Variants in SFI1 observed in about 807,000 individuals in gnomAD.
SFI1 encodes protein SFI1 homolog.
Under a neutral mutation model 207.5 loss-of-function variants are expected in SFI1, and 195 were observed. That is an observed-to-expected ratio of 0.94 (90% CI 0.84 to 1.06). The LOEUF (loss-of-function observed/expected upper bound fraction) is 1.06, where lower values mean the gene tolerates loss of function less well. SFI1 is among the 50% of genes least tolerant of loss of function. The pLI, the probability that SFI1 is intolerant of heterozygous loss-of-function variation, is 0.00. For synonymous variants in SFI1, 630 were observed against 598.9 expected (o/e 1.05, Z -0.76); for missense variants, 1,634 against 1,588.0 (o/e 1.03, Z -0.49).
chr22:31,602,387 C>A, intron 16 of SFI1, 94 bp downstream of exon 16: 1 of 1,331,668 alleles, frequency 7.5e-7, no homozygotes, highest in Non-Finnish European at 1.1e-6. Flanking sequence ...GTTGCTCGGA[C>A]CTCACTGGAG....
intron 7 of SFI1, among the ~76,000 whole-genome samples, chr22:31,560,951 C>T (rs868812987): frequency 2.6e-5 from 4 of 152,164 alleles, no homozygotes; most frequent in Admixed American, 6.5e-5. Context: ...AATCCACTCT[C>T]CTCGGCCTCC....
chr22:31,575,168 T>TA, intron 9 of SFI1, 63 bp from the exon 10 acceptor site: 1 of 1,406,208 alleles, frequency 7.1e-7, no homozygotes, highest in Non-Finnish European at 9.3e-7. Context: ...CAGCTTGTCT[T>TA]AAAGATGTTT....
At chr22:31,589,837 A>G (rs1188957900) in intron 15 of SFI1, among the ~76,000 whole-genome samples, 14 of 151,988 alleles carry the variant, frequency 9.2e-5, no homozygotes, top group Admixed American at 4.6e-4. Flanking sequence ...AAAAATGTGT[A>G]GTGTTTAATC....
chr22:31,586,151 C>G, intron 14 of SFI1, among the ~76,000 whole-genome samples: 1 of 152,098 alleles, frequency 6.6e-6, no homozygotes, highest in East Asian at 1.9e-4. Context: ...GCCAGTGGTT[C>G]CCTAAAGGTC....
At chr22:31,537,110 G>A (rs2147596603) in intron 4 of SFI1, among the ~76,000 whole-genome samples, 2 of 152,170 alleles carry the variant, frequency 1.3e-5, no homozygotes, top group South Asian at 4.2e-4. Context: ...GTTCAGTGAT[G>A]TCGTTTTAGA....
At chr22:31,582,228 ATATATATATTTTTTTTTTTT>A (rs2064366574) in intron 12 of SFI1, among the ~76,000 whole-genome samples, 4 of 33,824 alleles carry the variant, frequency 1.2e-4, no homozygotes, top group Non-Finnish European at 2.2e-4. Context: ...ATATATATAT[ATATATATATTTTTTTTTTTT>A]TTTTTTTTTT....
chr22:31,614,442 G>T, intron 27 of SFI1: 1 of 453,216 alleles, frequency 2.2e-6, no homozygotes, highest in South Asian at 1.8e-5. Context: ...CTGGGTCCCG[G>T]TCCCTGCTGT....
chr22:31,584,139 G>A (rs1351974147), intron 13 of SFI1, among the ~76,000 whole-genome samples, 167 bp downstream of exon 13: 1 of 152,168 alleles, frequency 6.6e-6, no homozygotes, highest in Non-Finnish European at 1.5e-5. Context: ...TTGGGTTTTT[G>A]GCTGATCAGA....
At chr22:31,544,796 T>C (rs2059916734) in intron 4 of SFI1, among the ~76,000 whole-genome samples, 2 of 152,174 alleles carry the variant, frequency 1.3e-5, no homozygotes, top group South Asian at 4.1e-4. Context: ...ACATCTTTAA[T>C]CGGTAAAATC....
chr22:31,586,455 A>G (rs2065039623), intron 14 of SFI1, among the ~76,000 whole-genome samples: 1 of 152,164 alleles, frequency 6.6e-6, no homozygotes, highest in South Asian at 2.1e-4. Flanking sequence ...ACTGCTGTTG[A>G]TTTCTTCAGA....
chr22:31,596,679 G>C (rs1484645710), intron 15 of SFI1, among the ~76,000 whole-genome samples: 1 of 151,460 alleles, frequency 6.6e-6, no homozygotes, highest in Non-Finnish European at 1.5e-5. Flanking sequence ...AGCTACTCGG[G>C]AGGCTGAGGC....
chr22:31,612,982 A>C (rs1461981254), intron 24 of SFI1, 160 bp from the exon 25 acceptor site: 8 of 671,040 alleles, frequency 1.2e-5, no homozygotes, highest in Middle Eastern at 3.8e-4. Flanking sequence ...GCGTGTGTTG[A>C]GCATCTCACC....
Position 31,615,206 on chromosome 22 carries a change from C to CAAGCACAGGCCCGG in SFI1, c.3229_3242dup (p.Leu1082AlafsTer110), listed in dbSNP as rs1398147932. 6.3e-7 allele frequency: 1 copy of CAAGCACAGGCCCGG among 1,578,858 alleles called. No homozygotes were observed. Among genetic ancestry groups the CAAGCACAGGCCCGG allele is most frequent in the Non-Finnish European group, 8.6e-7 (1 of 1,166,884 alleles). ...CCTGGCCCGAAGCAGCCCCCGACGG[C>CAAGCACAGGCCCGG]AAGCACAGGCCCGGAGCTGCTGCTG... On this transcript the variant is annotated frameshift_variant, in exon 29 of 33. Transcript: ENST00000400288. LOFTEE classifies it high-confidence loss of function.
At chr22:31,557,753 G>T (rs2061313332) in intron 7 of SFI1, among the ~76,000 whole-genome samples, 1 of 152,128 alleles carries the variant, frequency 6.6e-6, no homozygotes, top group Non-Finnish European at 1.5e-5. Flanking sequence ...AACTTGCCTA[G>T]CACATACAGG....
chr22:31,565,596 G>A (rs2062214602), intron 8 of SFI1, among the ~76,000 whole-genome samples: 1 of 152,032 alleles, frequency 6.6e-6, no homozygotes, highest in South Asian at 2.1e-4. Flanking sequence ...CTACTTGGGA[G>A]GCTTAGGTTG....
intron 1 of SFI1, among the ~76,000 whole-genome samples, chr22:31,502,464 C>G (rs994494594): frequency 2.6e-5 from 4 of 151,836 alleles, no homozygotes; most frequent in Admixed American, 1.3e-4. Flanking sequence ...GCCTCCACCT[C>G]CTGGGTTCAA....
intron 15 of SFI1, among the ~76,000 whole-genome samples, chr22:31,593,935 G>A (rs1003286586): frequency 4.9e-5 from 7 of 142,606 alleles, no homozygotes; most frequent in Non-Finnish European, 1.1e-4. Context: ...GATGGCAGCA[G>A]TACAGTCCAG....
rs1484360151 is a variant in SFI1 at position 31,589,571 on chromosome 22, T to C, written c.1538T>C (p.Phe513Ser). Residue 513 changes from phenylalanine (F) to serine (S), a missense_variant, in exon 15 of 33, where the codon TTC becomes TCC. Physicochemically the swap from Phe to Ser is radical, Grantham distance 155 (BLOSUM62 -2). Coordinates refer to ENST00000400288, the MANE Select transcript of SFI1 (RefSeq NM_001007467.3). ...ENVLSARATRFHRETLEKQVF... is the reference protein window; with the variant it reads ...ENVLSARATRSHRETLEKQVF... ...GTCCTCAGTGCAAGAGCAACACGTT[T>C]CCACAGGTATGTTGCGCAGCTCCTG... 6.2e-7 allele frequency: 1 copy of C among 1,612,486 alleles called. No individual in the cohort carries two copies. The highest frequency in any genetic ancestry group is 8.5e-7 in the Non-Finnish European group (1 of 1,179,638).
At chr22:31,606,693 CTTTTTTTTT>C (rs10524692) in intron 21 of SFI1, 15 of 115,514 alleles carry the variant, frequency 1.3e-4, no homozygotes, top group Non-Finnish European at 2.0e-4. Context: ...TTCTTTTTTT[CTTTTTTTTT>C]TTTTTTTTTT....
Sources: allele counts gnomAD v4.1 joint callset (sites outside exome capture counted in the v4.1 genomes callset), GRCh38; gene constraint gnomAD v4.1.1; transcripts MANE v1.5; gene names NCBI Gene and HGNC (gene_info 2026-07-23, HGNC 2026-07-21).